PCDHGB3: variants seen among roughly 807,000 people sequenced by gnomAD.
PCDHGB3 encodes the protein protocadherin gamma-B3.
Under a neutral mutation model 59.2 loss-of-function variants are expected in PCDHGB3, and 40 were observed. That is an observed-to-expected ratio of 0.68 (90% confidence interval 0.52 to 0.88). The LOEUF is 0.88. Among genes scored for constraint, PCDHGB3 ranks in the 40% least tolerant of loss-of-function variants. The pLI, the probability that PCDHGB3 is intolerant of heterozygous loss-of-function variation, is 0.00. For missense variants in PCDHGB3, 1,309 were observed against 1,187.9 expected, an observed-to-expected ratio of 1.10 and a Z score of -1.50; for synonymous variants, 581 against 503.6, an observed-to-expected ratio of 1.15 and a Z score of -2.06.
chr5:141,427,840 A>G (rs779622800), intron 1 of PCDHGB3: 1 of 1,548,180 alleles, frequency 6.5e-7, no homozygotes, highest in Non-Finnish European at 8.8e-7. Flanking sequence ...CGTGCCTTCG[A>G]CCACGAGCAG....
chr5:141,407,656 C>T (rs1333500318), intron 1 of PCDHGB3, among the ~76,000 whole-genome samples: 1 of 151,756 alleles, frequency 6.6e-6, no homozygotes, highest in Admixed American at 6.6e-5. Flanking sequence ...TGGGGGAGCG[C>T]AGTATATATT....
At chr5:141,504,842 A>G (rs944461166) in intron 2 of PCDHGB3, among the ~76,000 whole-genome samples, 7 of 151,968 alleles carry the variant, frequency 4.6e-5, no homozygotes, top group African/African-American at 1.7e-4. Context: ...CTAGCTCTGG[A>G]ACATTCTCTT....
At chr5:141,411,189 T>C (rs1222862554) in intron 1 of PCDHGB3, 1 of 152,208 alleles carries the variant, frequency 6.6e-6, no homozygotes, top group Non-Finnish European at 1.5e-5. Context: ...TCTTGGCATC[T>C]AAGAAAACAA....
rs761396116 is a variant in PCDHGB3 at position 141,409,790 on chromosome 5, C to T, written c.2415+36981C>T. 4 of 1,612,010 alleles carry T rather than the reference C, an allele frequency of 2.5e-6. No homozygotes were observed. The Admixed American group carries it at 5.0e-5, about 20-fold the overall frequency. ...TCACGAGCAGCTGCGCGCCTTCGCGCTCACGCTGCAGGCCCGCGACCACGG... is the reference window on the plus strand; with the variant it reads ...TCACGAGCAGCTGCGCGCCTTCGCGTTCACGCTGCAGGCCCGCGACCACGG... On this transcript the variant is annotated intron_variant, in intron 1 of 3. Transcript: ENST00000576222.
chr5:141,387,143 G>A (rs1310461267), intron 1 of PCDHGB3, among the ~76,000 whole-genome samples: 3 of 152,158 alleles, frequency 2.0e-5, no homozygotes, highest in Admixed American at 6.5e-5. Flanking sequence ...TATTGGGAAG[G>A]GGGTGTATTT....
At chr5:141,394,798 T>C (rs770334197) in intron 1 of PCDHGB3, 1 of 1,613,818 alleles carries the variant, frequency 6.2e-7, no homozygotes, top group Non-Finnish European at 8.5e-7. Flanking sequence ...ACGCTCACCG[T>C]AGCCGTGGCT....
Position 141,431,228 on chromosome 5 carries a change from GC to G in PCDHGB3, c.2415+58421del. The G allele has an allele frequency of 6.2e-7, 1 of 1,614,118 alleles. No homozygotes were observed. Among genetic ancestry groups the G allele is most frequent in the Non-Finnish European group, 8.5e-7 (1 of 1,180,030 alleles). On this transcript the variant is annotated intron_variant, in intron 1 of 3. Transcript: ENST00000576222. This position sits in a 1 kb window ranked among gnomAD's most constrained non-coding sequence, Gnocchi z 4.8. ...TGAGATGCGGTTCCCTCTACCCCAC[GC>G]CTGGGATCCGGATATCGGGAAGAAC...
intron 1 of PCDHGB3, chr5:141,426,849 G>A (rs749455878): frequency 2.4e-5 from 11 of 456,660 alleles, no homozygotes; most frequent in South Asian, 1.7e-4. Flanking sequence ...AGGCAAGAAC[G>A]CTCCAGAATT....
intron 1 of PCDHGB3, chr5:141,408,313 T>G (rs375849626): frequency 6.2e-7 from 1 of 1,613,758 alleles, no homozygotes; most frequent in African/African-American, 1.3e-5. Flanking sequence ...GCTACTCGAT[T>G]CCGGAGGAGC....
intron 1 of PCDHGB3, among the ~76,000 whole-genome samples, chr5:141,433,534 C>T (rs2097618995): frequency 6.6e-6 from 1 of 152,088 alleles, no homozygotes; most frequent in Admixed American, 6.5e-5. Context: ...GTGCCCCGCC[C>T]TTATCAGATA....
chr5:141,424,860 A>C (rs2154550951), intron 1 of PCDHGB3, among the ~76,000 whole-genome samples: 1 of 152,340 alleles, frequency 6.6e-6, no homozygotes. Flanking sequence ...TGTCTAGGAA[A>C]GCCAAATGAG....
At chr5:141,395,309 CATT>C in intron 1 of PCDHGB3, 1 of 1,506,030 alleles carries the variant, frequency 6.6e-7, no homozygotes, top group Non-Finnish European at 8.9e-7. Flanking sequence ...TTTTGAAAAA[CATT>C]GTGAAGATAG....
chr5:141,399,469 T>G, intron 1 of PCDHGB3: 1 of 1,614,000 alleles, frequency 6.2e-7, no homozygotes. Flanking sequence ...CGCTCCGGTT[T>G]TCCACCAGGC....
At position 141,485,321 on chromosome 5, in the gene PCDHGB3, C is replaced by G. The variant is rs780179631; in HGVS notation, c.2416-9486C>G. The G allele has an allele frequency of 6.2e-7, 1 of 1,614,154 alleles. No homozygotes were observed. Among genetic ancestry groups the G allele is most frequent in the Non-Finnish European group, 8.5e-7 (1 of 1,180,024 alleles). On this transcript the variant is annotated intron_variant, in intron 1 of 3. Transcript: ENST00000576222. This position sits in a 1 kb window ranked among gnomAD's most constrained non-coding sequence, Gnocchi z 5.7. The stretch of plus-strand genomic sequence containing the variant: ...AGGGACTTTTGTAGGGAATGTCGCT[C>G]AAGATTTCCTGCTGGATACGGACAG...
intron 1 of PCDHGB3, chr5:141,388,934 A>G (rs1225337103): frequency 1.9e-6 from 3 of 1,613,896 alleles, no homozygotes; most frequent in Non-Finnish European, 2.5e-6. Context: ...TCCAGTCTCT[A>G]CCCAACCTAA....
At chr5:141,377,577 CAGAATGAGACTTTT>C (rs1211676701) in intron 1 of PCDHGB3, 2 of 148,600 alleles carry the variant, frequency 1.3e-5, no homozygotes, top group African/African-American at 2.5e-5. Context: ...GCCTGGGAGA[CAGAATGAGACTTTT>C]TCTCTCTCTC....
At chr5:141,451,653 G>A (rs1440576814) in intron 1 of PCDHGB3, among the ~76,000 whole-genome samples, 2 of 152,166 alleles carry the variant, frequency 1.3e-5, no homozygotes, top group Non-Finnish European at 2.9e-5. Context: ...AGGCCAAGGA[G>A]GGTGGACTGC....
At chr5:141,484,707 G>C (rs1288663675) in intron 1 of PCDHGB3, among the ~76,000 whole-genome samples, 1 of 151,802 alleles carries the variant, frequency 6.6e-6, no homozygotes. Flanking sequence ...TGTTTTCCCC[G>C]CCGAAAAGGG....
chr5:141,503,894 T>C (rs898125492), intron 2 of PCDHGB3, among the ~76,000 whole-genome samples: 2 of 152,144 alleles, frequency 1.3e-5, no homozygotes, highest in African/African-American at 4.8e-5. Flanking sequence ...CATGACAAAA[T>C]ATGCACACAC....
Sources: gnomAD v4.1 joint callset for allele counts (sites outside exome capture counted in the v4.1 genomes callset) on GRCh38, gnomAD v4.1.1 for gene constraint, Gnocchi (gnomAD v3.1) non-coding constraint, MANE v1.5 for transcripts, NCBI Gene and HGNC (gene_info 2026-07-23, HGNC 2026-07-21) for gene names.